GRB2: variants seen among roughly 807,000 people sequenced by gnomAD.
GRB2 encodes growth factor receptor-bound protein 2.
A neutral mutation model predicts 27.4 loss-of-function variants in GRB2; 2 were observed. The observed-to-expected ratio is 0.07, with a 90% confidence interval of 0.03 to 0.23. GRB2 has a LOEUF of 0.23. Ranked by LOEUF, GRB2 falls within the 10% of genes least tolerant of loss-of-function variation. The pLI, the probability that GRB2 is intolerant of heterozygous loss-of-function variation, is 1.00. For missense variants in GRB2, 102 were observed against 282.4 expected, an observed-to-expected ratio of 0.36 and a Z score of 4.58; for synonymous variants, 94 against 99.6, an observed-to-expected ratio of 0.94 and a Z score of 0.33.
Position 75,320,263 on chromosome 17 carries a change from G to T in GRB2, c.*105C>A. On this transcript the variant is annotated 3_prime_UTR_variant, in exon 6 of 6. Transcript: ENST00000316804. This position sits in a 1 kb window ranked among gnomAD's most constrained non-coding sequence, Gnocchi z 4.3. ...GGGTCACAGGGTGACCCGGCCAGGT[G>T]TTCTGCACTCCCTCACAGGCTGCTG... 1 of 995,466 alleles carries T rather than the reference G, an allele frequency of 1.0e-6. No homozygotes were observed. Among genetic ancestry groups the T allele is most frequent in the Non-Finnish European group, 1.6e-6 (1 of 638,938 alleles). The allele number at this position is 995,466 out of a possible 1,614,324, so 61.7% of individuals were successfully genotyped here.
At chr17:75,367,119 T>C (rs567305350) in intron 2 of GRB2, among the ~76,000 whole-genome samples, 15 of 152,274 alleles carry the variant, frequency 9.9e-5, no homozygotes, top group African/African-American at 3.6e-4. Context: ...TCAGAAAGTC[T>C]ATGGTAATGG....
chr17:75,391,669 G>A (rs960816338), intron 2 of GRB2, among the ~76,000 whole-genome samples: 8 of 152,176 alleles, frequency 5.3e-5, no homozygotes, highest in Admixed American at 2.0e-4. Context: ...TTAGCCGGGC[G>A]TGGTGGCGGG....
At chr17:75,328,297 C>G (rs1418560209) in intron 3 of GRB2, among the ~76,000 whole-genome samples, 2 of 151,330 alleles carry the variant, frequency 1.3e-5, no homozygotes, top group Non-Finnish European at 2.9e-5. Flanking sequence ...GCACTCCAGC[C>G]TGGGCGAAAG....
intron 2 of GRB2, among the ~76,000 whole-genome samples, chr17:75,364,478 A>T (rs1415859124): frequency 6.6e-6 from 1 of 152,116 alleles, no homozygotes; most frequent in African/African-American, 2.4e-5. Context: ...CAGAAAAACC[A>T]GATACCTTGC....
At chr17:75,350,981 G>A (rs1325935522) in intron 2 of GRB2, among the ~76,000 whole-genome samples, 2 of 152,158 alleles carry the variant, frequency 1.3e-5, no homozygotes, top group East Asian at 3.9e-4. Context: ...AACTGAGCCC[G>A]ACTGTGCAGG....
At chr17:75,337,901 C>CTACTACTACTACTACTACTAT (rs1375563317) in intron 2 of GRB2, among the ~76,000 whole-genome samples, 31 of 117,368 alleles carry the variant, frequency 2.6e-4, no homozygotes, top group South Asian at 1.0e-3. Context: ...ACTACTACTA[C>CTACTACTACTACTACTACTAT]TATTATTATT....
At position 75,395,733 on chromosome 17, in the gene GRB2, C is replaced by T. The variant is rs550348712; in HGVS notation, c.-137-1968G>A. On this transcript the variant is annotated intron_variant, in intron 1 of 5. Transcript: ENST00000316804. Reference sequence around the variant, plus strand: ...TGAAAGGTGAAGATTTAGTTTCCCCCGACCTATACCAGTAATATCACATAT... The same window carrying T: ...TGAAAGGTGAAGATTTAGTTTCCCCTGACCTATACCAGTAATATCACATAT... Among the ~76,000 whole-genome samples, 91 of 152,212 alleles carry T rather than the reference C, an allele frequency of 6.0e-4. No homozygotes were observed. The South Asian group carries it at 7.3e-3, about 12-fold the overall frequency.
chr17:75,395,227 G>A (rs373180643), intron 1 of GRB2, among the ~76,000 whole-genome samples: 8 of 151,966 alleles, frequency 5.3e-5, no homozygotes, highest in African/African-American at 9.7e-5. Flanking sequence ...AAAATAAATC[G>A]TCTGACAATG....
At chr17:75,342,784 C>T (rs766001747) in intron 2 of GRB2, among the ~76,000 whole-genome samples, 1 of 152,084 alleles carries the variant, frequency 6.6e-6, no homozygotes. Context: ...CAGTGGCTCA[C>T]GCCTGTAAAA....
intron 2 of GRB2, among the ~76,000 whole-genome samples, chr17:75,365,958 A>G (rs1476754774): frequency 2.0e-5 from 3 of 152,168 alleles, no homozygotes; most frequent in Non-Finnish European, 4.4e-5. Flanking sequence ...TCTCTTTCAT[A>G]GTCGTACCTA....
intron 2 of GRB2, among the ~76,000 whole-genome samples, chr17:75,365,625 A>G (rs1441073420): frequency 1.3e-5 from 2 of 152,216 alleles, no homozygotes; most frequent in African/African-American, 4.8e-5. Flanking sequence ...ACCAAAGCGA[A>G]AAAGTTCAAA....
intron 2 of GRB2, among the ~76,000 whole-genome samples, chr17:75,379,860 G>C (rs1414101011): frequency 6.6e-6 from 1 of 152,182 alleles, no homozygotes; most frequent in East Asian, 1.9e-4. Context: ...AGGAGAAATG[G>C]AAACATGAAC....
At position 75,339,100 on chromosome 17, in the gene GRB2, G is replaced by C. The variant is rs927826235; in HGVS notation, c.79-6303C>G. The C allele has an allele frequency of 2.6e-5, 36 of 1,381,724 alleles. No individual in the cohort carries two copies. The African/African-American group carries it at 4.4e-4, about 17-fold the overall frequency. 85.6% of individuals were successfully genotyped at this position (1,381,724 alleles called of 1,614,324 possible). On this transcript the variant is annotated intron_variant, in intron 2 of 5. Transcript: ENST00000316804. Reference sequence around the variant, plus strand: ...GGCTATTAAAAGATGCAAGCATTTTGAACTGGGAGGAGATAAGAAGAGAAA... The same window carrying C: ...GGCTATTAAAAGATGCAAGCATTTTCAACTGGGAGGAGATAAGAAGAGAAA...
At chr17:75,358,856 C>G (rs1598236604) in intron 2 of GRB2, among the ~76,000 whole-genome samples, 1 of 130,104 alleles carries the variant, frequency 7.7e-6, no homozygotes, top group South Asian at 2.5e-4. Flanking sequence ...TGCACTCCAG[C>G]ATGGCGACAG....
At chr17:75,349,882 A>C (rs149015673) in intron 2 of GRB2, among the ~76,000 whole-genome samples, 684 of 152,186 alleles carry the variant, frequency 4.5e-3, no homozygotes, top group African/African-American at 0.016. Flanking sequence ...ATATTGGCAA[A>C]GATGAAAATA....
chr17:75,353,208 T>C (rs576101438), intron 2 of GRB2, among the ~76,000 whole-genome samples: 1 of 148,726 alleles, frequency 6.7e-6, no homozygotes, highest in African/African-American at 2.4e-5. Flanking sequence ...AAAGACACAG[T>C]TGTACCTTGT....
At chr17:75,340,779 C>T (rs1415032686) in intron 2 of GRB2, among the ~76,000 whole-genome samples, 1 of 152,216 alleles carries the variant, frequency 6.6e-6, no homozygotes, top group Admixed American at 6.5e-5. Context: ...TACAGTTTTT[C>T]TGCAACATGA....
chr17:75,351,711 T>C (rs2078693699), intron 2 of GRB2, among the ~76,000 whole-genome samples: 2 of 151,904 alleles, frequency 1.3e-5, no homozygotes, highest in Non-Finnish European at 2.9e-5. Context: ...AAAGAAAATA[T>C]ATTAAAGGGA....
intron 2 of GRB2, among the ~76,000 whole-genome samples, chr17:75,343,865 C>G (rs1167789018): frequency 6.6e-6 from 1 of 152,070 alleles, no homozygotes; most frequent in Non-Finnish European, 1.5e-5. Flanking sequence ...AGGAAGAGAC[C>G]AACACAGAGA....
Sources: allele counts gnomAD v4.1 joint callset (sites outside exome capture counted in the v4.1 genomes callset), GRCh38; gene constraint gnomAD v4.1.1; non-coding constraint Gnocchi (gnomAD v3.1); transcripts MANE v1.5; gene names NCBI Gene and HGNC (gene_info 2026-07-23, HGNC 2026-07-21).